The following SLC9A4 variants were observed in gnomAD, a reference collection of about 807,000 sequenced individuals.
SLC9A4 encodes the protein solute carrier family 9 member A4, also known as sodium/hydrogen exchanger 4.
In SLC9A4, 63 loss-of-function variants were observed where a neutral mutation model predicts 67.4. The ratio of observed to expected loss-of-function variants is 0.93; its 90% CI spans 0.76 to 1.15. SLC9A4 has a LOEUF of 1.15. Ranked by LOEUF, SLC9A4 falls within the 50% of genes most tolerant of loss-of-function variation. SLC9A4 has a pLI of 0.00. For missense variants in SLC9A4, 1,089 were observed against 987.7 expected (o/e 1.10, Z -1.38); for synonymous variants, 393 against 367.2 (o/e 1.07, Z -0.80).
intron 8 of SLC9A4, among the ~76,000 whole-genome samples, chr2:102,516,994 T>C (rs1215139678): frequency 6.6e-6 from 1 of 152,222 alleles, no homozygotes. Flanking sequence ...AGTAACTTCA[T>C]TGTAGTCTAA....
At chr2:102,480,503 G>A (rs529889452) in intron 2 of SLC9A4, among the ~76,000 whole-genome samples, 1 of 151,964 alleles carries the variant, frequency 6.6e-6, no homozygotes, top group South Asian at 2.1e-4. Flanking sequence ...CATAAATTAA[G>A]TTTACAGTAA....
At chr2:102,503,020 T>C (rs1332366404) in intron 2 of SLC9A4, among the ~76,000 whole-genome samples, 1 of 152,222 alleles carries the variant, frequency 6.6e-6, no homozygotes, top group African/African-American at 2.4e-5. Context: ...CCAGAAAAAC[T>C]GCAGGAAGGC....
In SLC9A4 at chr2:102,479,239, C is replaced by A. The variant is rs576569833; in HGVS notation, c.657C>A (p.Arg219=). The A allele has an allele frequency of 1.2e-6, 2 of 1,614,024 alleles. No individual in the cohort carries two copies. The highest frequency in any genetic ancestry group is 2.2e-5 in the East Asian group (1 of 44,894). Residue 219 remains arginine, a synonymous_variant, in exon 2 of 12, where the codon CGC becomes CGA. Transcript: ENST00000295269. ...TGCTAGCCGTGTTTGAGGAAGCGCGCGTGAACGAGCAGCTCTACATGATGA... is the reference window on the plus strand; with the variant it reads ...TGCTAGCCGTGTTTGAGGAAGCGCGAGTGAACGAGCAGCTCTACATGATGA... ...VAVLAVFEEA[R]VNEQLYMMIF...
intron 6 of SLC9A4, among the ~76,000 whole-genome samples, chr2:102,510,905 C>G (rs971788661): frequency 3.3e-5 from 5 of 152,094 alleles, no homozygotes; most frequent in African/African-American, 1.2e-4. Flanking sequence ...GTGTACAGCT[C>G]CAAGGAATAG....
chr2:102,520,321 G>A (rs758433842), intron 9 of SLC9A4, among the ~76,000 whole-genome samples: 1 of 152,132 alleles, frequency 6.6e-6, no homozygotes, highest in Non-Finnish European at 1.5e-5. Flanking sequence ...TGTCCCAATT[G>A]TATTGACTAT....
chr2:102,518,514 T>C (rs1404868897), intron 8 of SLC9A4, among the ~76,000 whole-genome samples: 4 of 152,130 alleles, frequency 2.6e-5, no homozygotes, highest in African/African-American at 9.7e-5. Context: ...TGTATATCAA[T>C]AGAGGTGGCA....
At chr2:102,516,451 A>G (rs987845411) in intron 8 of SLC9A4, among the ~76,000 whole-genome samples, 3 of 152,240 alleles carry the variant, frequency 2.0e-5, no homozygotes, top group Admixed American at 1.3e-4. Context: ...ACAAACCTTC[A>G]TACAATAATA....
In SLC9A4 at chr2:102,528,816, G is replaced by A. The variant is rs191558016; in HGVS notation, c.2038+2470G>A. 8.5e-5 allele frequency among the ~76,000 whole-genome samples: 13 copies of A among 152,258 alleles called. No individual in the cohort carries two copies. The East Asian group carries it at 2.3e-3, about 27-fold the overall frequency. ...ACAGGATCCTAACCTTTTAATGGAT[G>A]TCCTCACTAAAGGATATCTCAGTCA... On this transcript the variant is annotated intron_variant, in intron 11 of 11. Transcript: ENST00000295269.
At chr2:102,483,796 C>A (rs1399049770) in intron 2 of SLC9A4, among the ~76,000 whole-genome samples, 1 of 82,054 alleles carries the variant, frequency 1.2e-5, no homozygotes, top group African/African-American at 4.9e-5. Flanking sequence ...TCACCATGTA[C>A]AGCATATATA....
At chr2:102,521,930 C>G (rs902763887) in intron 9 of SLC9A4, among the ~76,000 whole-genome samples, 2 of 152,200 alleles carry the variant, frequency 1.3e-5, no homozygotes, top group Non-Finnish European at 2.9e-5. Flanking sequence ...CGAAACTGAG[C>G]TGGCCCTGCT....
intron 4 of SLC9A4, among the ~76,000 whole-genome samples, chr2:102,507,707 C>T (rs1685078197): frequency 6.6e-6 from 1 of 152,110 alleles, no homozygotes; most frequent in Non-Finnish European, 1.5e-5. Context: ...TTTATCCCCC[C>T]ACCCACTCAA....
In SLC9A4 at chr2:102,533,931, G is replaced by T. The variant is rs970239120; in HGVS notation, c.*1243G>T. On this transcript the variant is annotated 3_prime_UTR_variant, in exon 12 of 12. Coordinates refer to ENST00000295269, the MANE Select transcript of SLC9A4 (RefSeq NM_001011552.4). ...GGGTTGGTTCCAAGTCTTTGCTATT[G>T]TGAATAATGCCGCAATAAACATACG... The T allele has an allele frequency of 1.3e-5, 2 of 151,254 alleles. No homozygotes were observed. Among genetic ancestry groups the T allele is most frequent in the African/African-American group, 4.9e-5 (2 of 41,116 alleles). The allele number at this position is 151,254 out of a possible 1,614,324, so 9.4% of individuals were successfully genotyped here.
In SLC9A4 at chr2:102,474,022, C is replaced by T; in HGVS notation, c.256+7C>T. On this transcript the variant is annotated splice_region_variant and intron_variant, in intron 1 of 11. Transcript: ENST00000295269. Reference sequence around the variant, plus strand: ...GCATCCCTTGCAAAAATAGGTAAGTCCTTAAACACCTGGTTTGGTGAGTTA... The same window carrying T: ...GCATCCCTTGCAAAAATAGGTAAGTTCTTAAACACCTGGTTTGGTGAGTTA... 2.5e-6 allele frequency: 4 copies of T among 1,611,008 alleles called. No homozygotes were observed. The highest frequency in any genetic ancestry group is 2.2e-5 in the East Asian group (1 of 44,816).
rs929972697 is a variant in SLC9A4, at chr2:102,473,295, G to A, written c.-465G>A. The A allele has an allele frequency of 6.5e-6, 1 of 154,900 alleles. No homozygotes were observed. The highest frequency in any genetic ancestry group is 1.4e-5 in the Non-Finnish European group (1 of 69,872). 9.6% of individuals were successfully genotyped at this position (154,900 alleles called of 1,614,324 possible). On this transcript the variant is annotated 5_prime_UTR_variant, in exon 1 of 12. Transcript: ENST00000295269. ...CGCAGATCAGGTAGCTCCTTCTTGG[G>A]ATCTGATAGACAGGGAAGGTTTCCT...
In SLC9A4 at chr2:102,505,426, T is replaced by C. The variant is rs1685031379; in HGVS notation, c.1153T>C (p.Phe385Leu). The C allele has an allele frequency of 8.1e-6, 13 of 1,614,184 alleles. No individual in the cohort carries two copies. Among genetic ancestry groups the C allele is most frequent in the Non-Finnish European group, 1.1e-5 (13 of 1,180,028 alleles). The change falls in exon 4 of 12, where the codon TTC (phenylalanine) becomes CTC (leucine). Residue 385 changes from phenylalanine (F) to leucine (L), a missense_variant. Transcript: ENST00000295269. ...CAAGAATCACGAGTGGAACTGGGCCTTCATCTGCTTCACCCTGGCCTTCTG... is the reference window on the plus strand; with the variant it reads ...CAAGAATCACGAGTGGAACTGGGCCCTCATCTGCTTCACCCTGGCCTTCTG... Reference protein sequence around the residue: ...VGKNHEWNWAFICFTLAFCQI... With the variant: ...VGKNHEWNWALICFTLAFCQI...
chr2:102,496,789 C>G (rs1684818923), intron 2 of SLC9A4, among the ~76,000 whole-genome samples: 1 of 152,166 alleles, frequency 6.6e-6, no homozygotes, highest in Non-Finnish European at 1.5e-5. Context: ...ACAAAAAGAA[C>G]AGTAGATAAA....
intron 1 of SLC9A4, among the ~76,000 whole-genome samples, chr2:102,474,226 T>A (rs1684281284): frequency 6.6e-6 from 1 of 152,218 alleles, no homozygotes; most frequent in Non-Finnish European, 1.5e-5. Context: ...GAGAGCATAC[T>A]TCTGGGTACT....
At chr2:102,497,543 A>C (rs537150976) in intron 2 of SLC9A4, among the ~76,000 whole-genome samples, 1 of 152,216 alleles carries the variant, frequency 6.6e-6, no homozygotes, top group Admixed American at 6.5e-5. Context: ...CAACTTGGGC[A>C]ACTCAAAAAC....
rs750520616 is a variant in SLC9A4, at chr2:102,508,222, AG to A, written c.1344del (p.Lys449ArgfsTer9). On this transcript the variant is annotated frameshift_variant, in exon 5 of 12. Coordinates refer to ENST00000295269, the MANE Select transcript of SLC9A4 (RefSeq NM_001011552.4). LOFTEE classifies it high-confidence loss of function. The part of the protein sequence containing the change: ...AFLLPLSLFP[R>X]KKMFVTATLV... ...TTTGCTTCCTCTGTCTCTTTTTCCTAGGAAGAAAATGTTTGTCACTGCTACT... is the reference window on the plus strand; with the variant it reads ...TTTGCTTCCTCTGTCTCTTTTTCCTAGAAGAAAATGTTTGTCACTGCTACT... 1.2e-6 allele frequency: 2 copies of A among 1,614,118 alleles called. No individual in the cohort carries two copies. Among genetic ancestry groups the A allele is most frequent in the Non-Finnish European group, 1.7e-6 (2 of 1,180,020 alleles).
Sources: allele counts gnomAD v4.1 joint callset (sites outside exome capture counted in the v4.1 genomes callset), GRCh38; gene constraint gnomAD v4.1.1; transcripts MANE v1.5; gene names NCBI Gene and HGNC (gene_info 2026-07-23, HGNC 2026-07-21).